The following ZNF611 variants were observed in gnomAD, a reference collection of about 807,000 sequenced individuals.
The protein encoded by ZNF611 is zinc finger protein 611.
Under a neutral mutation model 8.9 loss-of-function variants are expected in ZNF611, and 6 were observed. The ratio of observed to expected loss-of-function variants is 0.68; its 90% CI spans 0.37 to 1.34. The LOEUF is 1.34. Among genes scored for constraint, ZNF611 ranks in the 40% most tolerant of loss-of-function variants. ZNF611 has a pLI of 0.02. For synonymous variants in ZNF611, 262 were observed against 279.7 expected (o/e 0.94, Z 0.63); for missense variants, 874 against 841.3 (o/e 1.04, Z -0.48).
chr19:52,716,020 A>G, intron 3 of ZNF611, 107 bp from the exon 4 acceptor site: 5 of 1,212,628 alleles, frequency 4.1e-6, no homozygotes, highest in Non-Finnish European at 5.9e-6. Flanking sequence ...GAAGTCCCCC[A>G]CTGCCCACTG....
intron 3 of ZNF611, among the ~76,000 whole-genome samples, chr19:52,719,309 T>C (rs988655164): frequency 2.0e-5 from 3 of 151,042 alleles, no homozygotes; most frequent in African/African-American, 7.4e-5. Context: ...TTCCATATAG[T>C]AACAGAGACT....
intron 3 of ZNF611, among the ~76,000 whole-genome samples, chr19:52,726,328 G>A (rs1363438124): frequency 1.3e-5 from 2 of 152,228 alleles, no homozygotes; most frequent in African/African-American, 2.4e-5. Context: ...GAACCTGGGG[G>A]TCCAGGCCAG....
chr19:52,709,025 T>C (rs1408416727), intron 5 of ZNF611, among the ~76,000 whole-genome samples: 1 of 152,148 alleles, frequency 6.6e-6, no homozygotes, highest in African/African-American at 2.4e-5. Flanking sequence ...ATTTATTAAC[T>C]GAGATCAGAG....
chr19:52,706,172 T>C lies in ZNF611; in HGVS notation c.883A>G (p.Thr295Ala). The change falls in exon 6 of 6, where the codon ACC (threonine) becomes GCC (alanine). Residue 295 changes from threonine to alanine, a missense_variant. By Grantham distance (58) the Thr-to-Ala change is moderately conservative. Transcript: ENST00000652185. ...GTAAGGGATGACTCCTGACTGAAGG[T>C]CTTGCCACACTCTTTACACTTGTAA... ...KPYKCKECGK[T>A]FSQESSLTCH... is the part of the protein sequence containing the mutation. 2 of 1,614,146 alleles carry C rather than the reference T, an allele frequency of 1.2e-6. No individual in the cohort carries two copies. The highest frequency in any genetic ancestry group is 8.5e-7 in the Non-Finnish European group (1 of 1,179,994).
At chr19:52,714,356 CT>C (rs2062300702) in intron 4 of ZNF611, among the ~76,000 whole-genome samples, 1 of 151,918 alleles carries the variant, frequency 6.6e-6, no homozygotes, top group African/African-American at 2.4e-5. Context: ...CTACGGAAAT[CT>C]CGATTTTATG....
intron 3 of ZNF611, among the ~76,000 whole-genome samples, chr19:52,727,732 C>T (rs1449560044): frequency 6.6e-6 from 1 of 152,106 alleles, no homozygotes; most frequent in Non-Finnish European, 1.5e-5. Context: ...CCAGGGTCAG[C>T]CAGGAAAAAC....
rs752344056 is a variant in ZNF611 at position 52,706,550 on chromosome 19, T to C, written c.505A>G (p.Ile169Val). 2.4e-5 allele frequency: 38 copies of C among 1,614,070 alleles called. No homozygotes were observed. The highest frequency in any genetic ancestry group is 2.8e-5 in the Non-Finnish European group (33 of 1,180,036). ...SFYSHLPELH[I>V]FQIKGEIGNQ... ...CCAATTTCACCTTTGATCTGAAATA[T>C]GTGGAGTTCAGGCAGATGTGAATAA... Residue 169 changes from isoleucine to valine, a missense_variant, in exon 6 of 6, where the codon ATA becomes GTA. Ile to Val is a conservative substitution (Grantham distance 29, BLOSUM62 3). Transcript: ENST00000652185.
intron 4 of ZNF611, among the ~76,000 whole-genome samples, chr19:52,715,530 C>T (rs775025765): frequency 5.3e-5 from 8 of 152,194 alleles, no homozygotes; most frequent in Non-Finnish European, 7.4e-5. Flanking sequence ...AGATGTGGCC[C>T]GTGAACAACC....
In ZNF611 at chr19:52,726,956, C is replaced by G. The variant is rs151332145; in HGVS notation, c.-20+1774G>C. On this transcript the variant is annotated intron_variant, in intron 3 of 5. Coordinates refer to ENST00000652185, the MANE Select transcript of ZNF611 (RefSeq NM_001161499.2). ...TCATGGCCCACTGCAGCCTCTGCCT[C>G]CTGGGTTGAAGCTATTCGTCTGCCT... is the stretch of plus-strand genomic sequence containing the variant. 7.8e-4 allele frequency among the ~76,000 whole-genome samples: 118 copies of G among 152,142 alleles called. 1 individual carries two copies. Among genetic ancestry groups the G allele is most frequent in the Admixed American group, 6.3e-3 (97 of 15,276 alleles).
chr19:52,729,515 A>AAAAAAAAAAAAAG (rs2062412665), intron 2 of ZNF611, among the ~76,000 whole-genome samples: 1 of 148,114 alleles, frequency 6.8e-6, no homozygotes, highest in Non-Finnish European at 1.5e-5. Flanking sequence ...AAAAAAAAAA[A>AAAAAAAAAAAAAG]AAAGAAAAGA....
intron 5 of ZNF611, among the ~76,000 whole-genome samples, chr19:52,710,317 A>G (rs2062271815): frequency 1.3e-5 from 2 of 151,216 alleles, no homozygotes; most frequent in Admixed American, 6.6e-5. Flanking sequence ...GCAACATCCA[A>G]CTCCAAGGTT....
chr19:52,718,712 C>A (rs1015335878), intron 3 of ZNF611, among the ~76,000 whole-genome samples: 2 of 151,978 alleles, frequency 1.3e-5, no homozygotes, highest in African/African-American at 4.8e-5. Flanking sequence ...GCAGGAGAAT[C>A]ACTTGAACTC....
At chr19:52,726,376 T>C (rs921025852) in intron 3 of ZNF611, among the ~76,000 whole-genome samples, 4 of 152,208 alleles carry the variant, frequency 2.6e-5, no homozygotes, top group Admixed American at 2.0e-4. Flanking sequence ...CGCAGTGCTC[T>C]CTTCATTGTC....
At chr19:52,709,315 C>G (rs908816432) in intron 5 of ZNF611, among the ~76,000 whole-genome samples, 1 of 151,976 alleles carries the variant, frequency 6.6e-6, no homozygotes, top group Non-Finnish European at 1.5e-5. Context: ...CTGTGTAGCC[C>G]AGCCTGGAGT....
intron 1 of ZNF611, among the ~76,000 whole-genome samples, chr19:52,734,311 T>C (rs1381159966): frequency 6.6e-6 from 1 of 152,112 alleles, no homozygotes; most frequent in African/African-American, 2.4e-5. Flanking sequence ...TACTGCTCTC[T>C]GTCTCCTGAT....
intron 3 of ZNF611, among the ~76,000 whole-genome samples, chr19:52,718,001 A>C (rs1404601951): frequency 2.0e-5 from 3 of 152,196 alleles, no homozygotes; most frequent in African/African-American, 7.2e-5. Flanking sequence ...AAAAATATAG[A>C]TCTAATGAAA....
chr19:52,725,365 T>C (rs1222916118), intron 3 of ZNF611, among the ~76,000 whole-genome samples: 1 of 152,170 alleles, frequency 6.6e-6, no homozygotes, highest in Non-Finnish European at 1.5e-5. Context: ...GCCCCGGCGC[T>C]GCGCTCCAGG....
intron 4 of ZNF611, among the ~76,000 whole-genome samples, chr19:52,714,407 G>A (rs2062300958): frequency 6.6e-6 from 1 of 151,952 alleles, no homozygotes. Context: ...GAAAAACAGG[G>A]CCAGGCATGG....
Position 52,706,099 on chromosome 19 carries a change from T to C in ZNF611, c.956A>G (p.Glu319Gly), listed in dbSNP as rs2062241663. ...HTGVKRYNCNECGKIFGQNSA... is the reference protein window; with the variant it reads ...HTGVKRYNCNGCGKIFGQNSA... ...ATTTTGACCAAAGATCTTGCCACAC[T>C]CATTACAATTGTAACGTTTTACTCC... The change falls in exon 6 of 6, where the codon GAG becomes GGG. Residue 319 changes from glutamate (E) to glycine (G), a missense_variant. Coordinates refer to ENST00000652185, the MANE Select transcript of ZNF611 (RefSeq NM_001161499.2). 4 of 1,614,058 alleles carry C rather than the reference T, an allele frequency of 2.5e-6. No individual in the cohort carries two copies. Among genetic ancestry groups the C allele is most frequent in the African/African-American group, 1.3e-5 (1 of 75,028 alleles).
Sources: gnomAD v4.1 joint callset for allele counts (sites outside exome capture counted in the v4.1 genomes callset) on GRCh38, gnomAD v4.1.1 for gene constraint, MANE v1.5 for transcripts, NCBI Gene and HGNC (gene_info 2026-07-23, HGNC 2026-07-21) for gene names.